The following MAJIN variants were observed in gnomAD, a reference collection of about 807,000 sequenced individuals.
MAJIN encodes membrane-anchored junction protein.
Under a neutral mutation model 30.2 loss-of-function variants are expected in MAJIN, and 27 were observed. That is an observed-to-expected ratio of 0.89 (90% CI 0.66 to 1.23). The LOEUF (loss-of-function observed/expected upper bound fraction) is 1.23. Among genes scored for constraint, MAJIN ranks in the 50% most tolerant of loss-of-function variants. MAJIN has a pLI of 0.00. For missense variants in MAJIN, 253 were observed against 260.3 expected (o/e 0.97, Z 0.19); for synonymous variants, 78 against 91.6 (o/e 0.85, Z 0.85).
chr11:64,970,983 G>A (rs902436116), intron 1 of MAJIN, among the ~76,000 whole-genome samples: 2 of 152,184 alleles, frequency 1.3e-5, no homozygotes, highest in Admixed American at 6.5e-5. Context: ...TTAGTTCCTG[G>A]GGAAAGTCTG....
chr11:64,958,837 C>T (rs1330068499), intron 3 of MAJIN, among the ~76,000 whole-genome samples: 1 of 151,996 alleles, frequency 6.6e-6, no homozygotes, highest in African/African-American at 2.4e-5. Context: ...GTTGGCCAGG[C>T]TGGTCTTGAA....
intron 1 of MAJIN, among the ~76,000 whole-genome samples, chr11:64,962,525 T>C (rs747205172): frequency 3.9e-5 from 6 of 152,190 alleles, no homozygotes; most frequent in Non-Finnish European, 8.8e-5. Flanking sequence ...CCACAAATCA[T>C]GGCTTTAAAA....
intron 4 of MAJIN, among the ~76,000 whole-genome samples, chr11:64,950,907 A>G (rs1408053415): frequency 6.6e-6 from 1 of 152,178 alleles, no homozygotes; most frequent in South Asian, 2.1e-4. Flanking sequence ...ATGCTTTTGC[A>G]TAGAAAGGGA....
At chr11:64,956,387 G>A (rs1945632254) in intron 3 of MAJIN, among the ~76,000 whole-genome samples, 1 of 152,082 alleles carries the variant, frequency 6.6e-6, no homozygotes, top group Non-Finnish European at 1.5e-5. Context: ...TACTTGGGAG[G>A]TTGCAGTAGG....
chr11:64,940,453 G>T, intron 9 of MAJIN, 121 bp downstream of exon 9: 2 of 962,002 alleles, frequency 2.1e-6, no homozygotes, highest in Non-Finnish European at 3.3e-6. Context: ...CTCCACGGGA[G>T]CAAGGCACAT....
chr11:64,970,993 G>C (rs1020090003), intron 1 of MAJIN, among the ~76,000 whole-genome samples: 2 of 152,162 alleles, frequency 1.3e-5, no homozygotes, highest in South Asian at 2.1e-4. Flanking sequence ...GGGAAAGTCT[G>C]TGGTAAGAAG....
intron 1 of MAJIN, among the ~76,000 whole-genome samples, chr11:64,964,515 A>G (rs1945776085): frequency 6.6e-6 from 1 of 152,170 alleles, no homozygotes; most frequent in African/African-American, 2.4e-5. Flanking sequence ...TCATTTTACC[A>G]AACTGTAACC....
At chr11:64,939,566 TA>T in intron 10 of MAJIN, 95 bp downstream of exon 10, 1 of 1,084,288 alleles carries the variant, frequency 9.2e-7, no homozygotes, top group Non-Finnish European at 1.4e-6. Flanking sequence ...CCTCTGTAAG[TA>T]ATCTGCTTTC....
At chr11:64,954,425 G>C (rs1945600527) in intron 4 of MAJIN, 1 of 431,206 alleles carries the variant, frequency 2.3e-6, no homozygotes, top group African/African-American at 2.0e-5. Flanking sequence ...GGGATGGTGA[G>C]GTTTCCCAGA....
chr11:64,949,932 G>A (rs2136756214), intron 5 of MAJIN, 64 bp from the exon 6 acceptor site: 1 of 1,560,004 alleles, frequency 6.4e-7, no homozygotes, highest in South Asian at 1.1e-5. Context: ...CTATTTTAGG[G>A]ATGAGACTCT....
rs1945785603 is a variant in MAJIN at position 64,965,085 on chromosome 11, A to G, written c.-64-4950T>C. ...CAGATTACTGGATAAAGTCTTTTTT[A>G]TAAGTGTTAAAATATGGAACAGGAA... On this transcript the variant is annotated intron_variant, in intron 1 of 10. Transcript: ENST00000301896. Among the ~76,000 whole-genome samples, 5 of 152,130 alleles carry G rather than the reference A, an allele frequency of 3.3e-5. No individual in the cohort carries two copies. The South Asian group carries it at 1.0e-3, about 31-fold the overall frequency.
intron 6 of MAJIN, among the ~76,000 whole-genome samples, chr11:64,948,145 C>T (rs1194315297): frequency 1.3e-5 from 2 of 151,970 alleles, no homozygotes; most frequent in Non-Finnish European, 2.9e-5. Context: ...GGCCTAGCCA[C>T]GATGCTGTTT....
intron 1 of MAJIN, among the ~76,000 whole-genome samples, chr11:64,971,061 G>A (rs966309282): frequency 2.0e-5 from 3 of 152,082 alleles, no homozygotes; most frequent in Admixed American, 1.3e-4. Flanking sequence ...TTGGGATGCC[G>A]AGGCGGGTGG....
intron 3 of MAJIN, 93 bp downstream of exon 3, chr11:64,959,212 T>C (rs940051351): frequency 1.1e-6 from 1 of 944,876 alleles, no homozygotes; most frequent in Non-Finnish European, 1.7e-6. Flanking sequence ...ACCAGTCTCC[T>C]GAACTGGGTG....
intron 3 of MAJIN, among the ~76,000 whole-genome samples, chr11:64,955,581 T>G (rs1032282965): frequency 6.6e-6 from 1 of 152,190 alleles, no homozygotes; most frequent in African/African-American, 2.4e-5. Flanking sequence ...TGACAGACAC[T>G]TTCTTAAAAA....
chr11:64,954,625 G>T, intron 4 of MAJIN, 132 bp downstream of exon 4: 1 of 829,492 alleles, frequency 1.2e-6, no homozygotes, highest in Non-Finnish European at 2.1e-6. Context: ...CCTTTGCAAA[G>T]GAGATGTAGC....
intron 3 of MAJIN, among the ~76,000 whole-genome samples, chr11:64,956,801 T>A (rs543803345): frequency 1.2e-4 from 17 of 137,858 alleles, no homozygotes; most frequent in Non-Finnish European, 2.6e-4. Flanking sequence ...TGTTTCGCTC[T>A]TGTTGCCCAG....
intron 6 of MAJIN, among the ~76,000 whole-genome samples, chr11:64,949,087 C>T (rs1247709508): frequency 6.7e-6 from 1 of 150,164 alleles, no homozygotes; most frequent in East Asian, 2.0e-4. Flanking sequence ...TTTTGGGAGG[C>T]CGAGGTGGGA....
At chr11:64,947,602 C>T (rs1413656432) in intron 7 of MAJIN, 137 bp from the exon 8 acceptor site, 1 of 1,047,130 alleles carries the variant, frequency 9.5e-7, no homozygotes, top group Non-Finnish European at 1.4e-6. Context: ...TAAGAATAGA[C>T]ATTCTGTTAG....
Sources: gnomAD v4.1 joint callset for allele counts (sites outside exome capture counted in the v4.1 genomes callset) on GRCh38, gnomAD v4.1.1 for gene constraint, MANE v1.5 for transcripts, NCBI Gene and HGNC (gene_info 2026-07-23, HGNC 2026-07-21) for gene names.